Variants in CLSTN2 observed in about 807,000 individuals in gnomAD.
CLSTN2 encodes calsyntenin-2.
A neutral mutation model predicts 101.2 loss-of-function variants in CLSTN2; 48 were observed. The observed-to-expected ratio is 0.47, with a 90% CI of 0.38 to 0.60. The LOEUF is 0.60. CLSTN2 is among the 20% of genes least tolerant of loss of function. The pLI is 0.00. For synonymous variants in CLSTN2, 481 were observed against 463.6 expected (o/e 1.04, Z -0.48); for missense variants, 1,160 against 1,238.2 (o/e 0.94, Z 0.95).
At chr3:140,233,501 A>G (rs1878982) in intron 2 of CLSTN2, among the ~76,000 whole-genome samples, 80,345 of 152,016 alleles carry the variant, frequency 0.53, 21,946 homozygotes, top group East Asian at 0.88. Flanking sequence ...TATTTATCCC[A>G]TATTTATCTT....
intron 2 of CLSTN2, among the ~76,000 whole-genome samples, chr3:140,287,629 G>GT (rs900560134): frequency 4.1e-4 from 63 of 152,048 alleles, no homozygotes; most frequent in African/African-American, 1.3e-3. Flanking sequence ...AAAAAACATA[G>GT]TTTTTTTTCC....
At chr3:140,448,767 G>A in intron 6 of CLSTN2, 63 bp downstream of exon 6, 1 of 1,395,192 alleles carries the variant, frequency 7.2e-7, no homozygotes, top group South Asian at 1.2e-5. Flanking sequence ...TACCAAAAAA[G>A]CATATCTTAT....
At chr3:139,990,837 A>G (rs1021353646) in intron 1 of CLSTN2, among the ~76,000 whole-genome samples, 1 of 152,210 alleles carries the variant, frequency 6.6e-6, no homozygotes, top group African/African-American at 2.4e-5. Flanking sequence ...CCATAATGCC[A>G]TTGTTGGTAT....
chr3:140,275,981 C>G (rs1049007167), intron 2 of CLSTN2, among the ~76,000 whole-genome samples: 1 of 152,092 alleles, frequency 6.6e-6, no homozygotes, highest in African/African-American at 2.4e-5. Context: ...AAAGCAGTGA[C>G]CAGGTGACTA....
chr3:140,487,043 C>T (rs2107755117), intron 8 of CLSTN2, among the ~76,000 whole-genome samples: 1 of 152,238 alleles, frequency 6.6e-6, no homozygotes, highest in Middle Eastern at 3.4e-3. Context: ...TGTGCTAAGG[C>T]CCCAAGGAGT....
chr3:140,237,225 A>G (rs1291468684), intron 2 of CLSTN2, among the ~76,000 whole-genome samples: 2 of 152,146 alleles, frequency 1.3e-5, no homozygotes, highest in African/African-American at 4.8e-5. Flanking sequence ...GTGGGAACAG[A>G]TCAGCTGTTC....
At chr3:140,537,786 A>G (rs192745159) in intron 9 of CLSTN2, among the ~76,000 whole-genome samples, 2 of 152,324 alleles carry the variant, frequency 1.3e-5, no homozygotes, top group African/African-American at 4.8e-5. Context: ...TTCTACTCAT[A>G]AACAATAAAA....
chr3:140,431,859 T>A (rs2088634433), intron 5 of CLSTN2, among the ~76,000 whole-genome samples: 1 of 152,190 alleles, frequency 6.6e-6, no homozygotes, highest in Non-Finnish European at 1.5e-5. Context: ...TAACTGTAAA[T>A]TAAGAATCAT....
intron 2 of CLSTN2, among the ~76,000 whole-genome samples, chr3:140,353,451 A>G (rs11718744): frequency 0.56 from 85,678 of 151,760 alleles, 24,874 homozygotes; most frequent in Non-Finnish European, 0.64. Context: ...GCCTTTTGAC[A>G]TTTTTCTGCC....
intron 2 of CLSTN2, among the ~76,000 whole-genome samples, chr3:140,357,997 G>A (rs1173092356): frequency 6.6e-6 from 1 of 152,168 alleles, no homozygotes; most frequent in Non-Finnish European, 1.5e-5. Context: ...CATGAGCCAG[G>A]CTGACACTGA....
chr3:140,511,434 G>A lies in CLSTN2; in HGVS notation c.1345-20890G>A, dbSNP rs966561423. Reference sequence around the variant, plus strand: ...GTATTTCTGCCTCTAGATCTTTGAGGAATCACCACACTGTCTTCCACAATG... The same window carrying A: ...GTATTTCTGCCTCTAGATCTTTGAGAAATCACCACACTGTCTTCCACAATG... On this transcript the variant is annotated intron_variant, in intron 8 of 16. Transcript: ENST00000458420. Among the ~76,000 whole-genome samples the A allele has an allele frequency of 2.0e-5, 3 of 149,802 alleles. No individual in the cohort carries two copies. The South Asian group carries it at 6.3e-4, about 31-fold the overall frequency.
intron 2 of CLSTN2, among the ~76,000 whole-genome samples, chr3:140,371,317 T>C (rs1201795716): frequency 6.6e-6 from 1 of 151,848 alleles, no homozygotes; most frequent in Non-Finnish European, 1.5e-5. Flanking sequence ...TGCAAGTTCA[T>C]TGGAAAAAAA....
intron 8 of CLSTN2, among the ~76,000 whole-genome samples, chr3:140,517,030 C>A (rs76195497): frequency 6.6e-6 from 1 of 152,048 alleles, no homozygotes; most frequent in African/African-American, 2.4e-5. Flanking sequence ...TTAAAAAATT[C>A]TTTCTTCTTT....
At chr3:140,323,293 A>G (rs1311376745) in intron 2 of CLSTN2, among the ~76,000 whole-genome samples, 1 of 152,278 alleles carries the variant, frequency 6.6e-6, no homozygotes, top group East Asian at 1.9e-4. Context: ...TCAGCCTCTG[A>G]TGCCAGCTGG....
intron 2 of CLSTN2, among the ~76,000 whole-genome samples, chr3:140,180,020 G>A (rs138430917): frequency 1.3e-5 from 2 of 152,342 alleles, no homozygotes; most frequent in Middle Eastern, 3.4e-3. Flanking sequence ...TTCTGATGGT[G>A]TGATTTAGTA....
intron 5 of CLSTN2, among the ~76,000 whole-genome samples, chr3:140,426,075 A>G (rs1273642983): frequency 6.6e-6 from 1 of 152,222 alleles, no homozygotes; most frequent in Non-Finnish European, 1.5e-5. Context: ...ACAGGCTTGC[A>G]TCCTGCCTCT....
chr3:140,493,167 G>A (rs1451839881), intron 8 of CLSTN2, among the ~76,000 whole-genome samples: 1 of 152,206 alleles, frequency 6.6e-6, no homozygotes, highest in African/African-American at 2.4e-5. Flanking sequence ...TCCTGGCTGG[G>A]TTTACCTTTT....
intron 1 of CLSTN2, among the ~76,000 whole-genome samples, chr3:140,019,072 C>T (rs2007255988): frequency 6.6e-6 from 1 of 152,150 alleles, no homozygotes; most frequent in African/African-American, 2.4e-5. Flanking sequence ...CTTCAAACCA[C>T]TCAGAGGAGT....
intron 1 of CLSTN2, among the ~76,000 whole-genome samples, chr3:140,008,119 C>T (rs905593209): frequency 1.3e-5 from 2 of 152,216 alleles, no homozygotes; most frequent in African/African-American, 2.4e-5. Flanking sequence ...GGAATAACCA[C>T]ACATGAATGC....
Sources: gnomAD v4.1 joint callset for allele counts (sites outside exome capture counted in the v4.1 genomes callset) on GRCh38, gnomAD v4.1.1 for gene constraint, MANE v1.5 for transcripts, NCBI Gene and HGNC (gene_info 2026-07-23, HGNC 2026-07-21) for gene names.